The following ANKRD1 variants were observed in gnomAD, a reference collection of about 807,000 sequenced individuals.
ANKRD1 encodes the protein ankyrin repeat domain 1, also known as ankyrin repeat domain-containing protein 1.
A neutral mutation model predicts 40.1 loss-of-function variants in ANKRD1; 32 were observed. That is an observed-to-expected ratio of 0.80 (90% CI 0.60 to 1.07). The LOEUF is 1.07. ANKRD1 is among the 50% of genes least tolerant of loss of function. The pLI is 0.00. For synonymous variants in ANKRD1, 149 were observed against 141.2 expected, an observed-to-expected ratio of 1.06 and a Z score of -0.39; for missense variants, 359 against 386.0, an observed-to-expected ratio of 0.93 and a Z score of 0.59.
At chr10:90,920,397 G>T in intron 1 of ANKRD1, 49 bp from the exon 2 acceptor site, 1 of 1,607,526 alleles carries the variant, frequency 6.2e-7, no homozygotes, top group Non-Finnish European at 8.5e-7. Context: ...CTCGTCCTGG[G>T]TCATTCTTCA....
At chr10:90,913,551 CAT>C (rs1453755421) in intron 8 of ANKRD1, among the ~76,000 whole-genome samples, 4 of 152,176 alleles carry the variant, frequency 2.6e-5, no homozygotes, top group African/African-American at 7.2e-5. Context: ...GGCAATGACA[CAT>C]GTGAACAAAT....
intron 2 of ANKRD1, 66 bp from the exon 3 acceptor site, chr10:90,919,334 A>G: frequency 9.7e-6 from 14 of 1,438,246 alleles, no homozygotes; most frequent in Non-Finnish European, 1.3e-5. Context: ...GGTTGTGTCT[A>G]AACTAAATCT....
At chr10:90,916,997 C>T (rs1423043367) in intron 5 of ANKRD1, among the ~76,000 whole-genome samples, 2 of 152,094 alleles carry the variant, frequency 1.3e-5, no homozygotes, top group Non-Finnish European at 2.9e-5. Flanking sequence ...ATGCCCCTGG[C>T]CTTAATCCCA....
chr10:90,916,397 G>T (rs1353922052), intron 5 of ANKRD1, 128 bp from the exon 6 acceptor site: 48 of 732,526 alleles, frequency 6.6e-5, no homozygotes, highest in Admixed American at 3.2e-4. Context: ...AACTGGAGTC[G>T]AAGGTTCTTA....
At position 90,912,944 on chromosome 10, in the gene ANKRD1, G is replaced by A. The variant is rs1339985275; in HGVS notation, c.882C>T (p.His294=). The change falls in exon 9 of 9, where the codon CAC becomes CAT. Residue 294 remains histidine, a synonymous_variant. Transcript: ENST00000371697. ...AGKTPMDLVL[H]WQNGTKAIFD... The stretch of plus-strand genomic sequence containing the variant: ...ATATTGCTTTGGTTCCATTCTGCCA[G>A]TGTAGCACCAGATCCATCGGCGTCT... 2 of 1,614,098 alleles carry A rather than the reference G, an allele frequency of 1.2e-6. No homozygotes were observed. The highest frequency in any genetic ancestry group is 1.7e-6 in the Non-Finnish European group (2 of 1,179,952).
intron 3 of ANKRD1, 70 bp from the exon 4 acceptor site, chr10:90,919,042 A>G: frequency 1.3e-6 from 2 of 1,577,288 alleles, no homozygotes; most frequent in Non-Finnish European, 1.7e-6. Flanking sequence ...TGAGCTTGCC[A>G]GCATTCAATC....
At chr10:90,918,751 G>T (rs2120270611) in intron 4 of ANKRD1, 114 bp downstream of exon 4, 1 of 878,644 alleles carries the variant, frequency 1.1e-6, no homozygotes, top group Non-Finnish European at 1.9e-6. Flanking sequence ...AGCAACAGCT[G>T]GGGAAACTGT....
rs1295040648 is a variant in ANKRD1 at position 90,918,852 on chromosome 10, G to C, written c.453+13C>G. ...AATGAGCTGGATTTTGCAGTGCTTT[G>C]CATGAGTCTTACCTCATCACAAACA... On this transcript the variant is annotated intron_variant, in intron 4 of 8. Transcript: ENST00000371697. 1 of 1,576,814 alleles carries C rather than the reference G, an allele frequency of 6.3e-7. No individual in the cohort carries two copies. Among genetic ancestry groups the C allele is most frequent in the African/African-American group, 1.4e-5 (1 of 73,294 alleles).
chr10:90,916,131 G>A, intron 6 of ANKRD1, 40 bp downstream of exon 6: 3 of 1,327,634 alleles, frequency 2.3e-6, no homozygotes, highest in East Asian at 3.3e-5. Flanking sequence ...GACAGGGAGG[G>A]GGAGGGGGTG....
rs1847328865 is a variant in ANKRD1 at position 90,912,721 on chromosome 10, C to G, written c.*145G>C. ...TAAAGGAAATTTAAACACCTATAAC[C>G]CTGTGCTTTCTCAAAACTTCATTAG... is the stretch of plus-strand genomic sequence containing the variant. On this transcript the variant is annotated 3_prime_UTR_variant, in exon 9 of 9. Coordinates refer to ENST00000371697, the MANE Select transcript of ANKRD1 (RefSeq NM_014391.3). The G allele has an allele frequency of 1.3e-6, 1 of 785,804 alleles. No homozygotes were observed. The highest frequency in any genetic ancestry group is 2.3e-6 in the Non-Finnish European group (1 of 443,320). The allele number at this position is 785,804 out of a possible 1,614,324, so 48.7% of individuals were successfully genotyped here.
At chr10:90,914,273 T>C (rs890049744) in intron 8 of ANKRD1, among the ~76,000 whole-genome samples, 1 of 152,188 alleles carries the variant, frequency 6.6e-6, no homozygotes, top group African/African-American at 2.4e-5. Context: ...TGCTAATATC[T>C]AACTGATAAT....
chr10:90,914,807 G>T (rs1009294200), intron 8 of ANKRD1, among the ~76,000 whole-genome samples: 7 of 136,790 alleles, frequency 5.1e-5, no homozygotes, highest in African/African-American at 2.0e-4. Context: ...TGTTCCTCTG[G>T]GCAATATTTT....
In ANKRD1 at chr10:90,920,312, C is replaced by T. The variant is rs1589510880; in HGVS notation, c.64G>A (p.Glu22Lys). Residue 22 changes from glutamate (E) to lysine (K), a missense_variant, in exon 2 of 9, where the codon GAA becomes AAA. Coordinates refer to ENST00000371697, the MANE Select transcript of ANKRD1 (RefSeq NM_014391.3). ...GKKNGNGEAG[E>K]FLPEDFRDGE... ...TCTCTGAAATCCTCAGGAAGGAATT[C>T]CCCTGCCTCCCCATTGCCATTCTTC... 1.2e-6 allele frequency: 2 copies of T among 1,614,178 alleles called. No homozygotes were observed. Among genetic ancestry groups the T allele is most frequent in the East Asian group, 4.5e-5 (2 of 44,882 alleles).
Position 90,912,932 on chromosome 10 carries a change from T to C in ANKRD1, c.894A>G (p.Gly298=). ...PMDLVLHWQN[G]TKAIFDSLRE... is the part of the protein sequence containing the mutation. The stretch of plus-strand genomic sequence containing the variant: ...TGAGGCTGTCGAATATTGCTTTGGT[T>C]CCATTCTGCCAGTGTAGCACCAGAT... The change falls in exon 9 of 9, where the codon GGA becomes GGG. Residue 298 remains glycine, a synonymous_variant. Coordinates refer to ENST00000371697, the MANE Select transcript of ANKRD1 (RefSeq NM_014391.3). 6.2e-7 allele frequency: 1 copy of C among 1,614,070 alleles called. No homozygotes were observed. Among genetic ancestry groups the C allele is most frequent in the Non-Finnish European group, 8.5e-7 (1 of 1,179,940 alleles).
intron 7 of ANKRD1, 42 bp from the exon 8 acceptor site, chr10:90,915,683 C>G: frequency 1.2e-6 from 2 of 1,609,876 alleles, no homozygotes; most frequent in Middle Eastern, 1.7e-4. Context: ...GGTCTGAGGC[C>G]AGGAAGTGGG....
intron 3 of ANKRD1, 24 bp from the exon 4 acceptor site, chr10:90,918,996 A>ATATATATATTTTCAC: frequency 5.5e-6 from 1 of 181,466 alleles, no homozygotes; most frequent in South Asian, 9.3e-5. Flanking sequence ...AAATAAATAT[A>ATATATATATTTTCAC]TATATATATA....
chr10:90,913,565 A>G (rs576369124), intron 8 of ANKRD1, among the ~76,000 whole-genome samples: 1 of 152,212 alleles, frequency 6.6e-6, no homozygotes, highest in East Asian at 1.9e-4. Flanking sequence ...TGAACAAATA[A>G]TTTTTGAGAC....
At position 90,916,242 on chromosome 10, in the gene ANKRD1, T is replaced by C. The variant is rs1482474273; in HGVS notation, c.580A>G (p.Ser194Gly). 5.0e-6 allele frequency: 8 copies of C among 1,614,062 alleles called. No individual in the cohort carries two copies. Among genetic ancestry groups the C allele is most frequent in the Non-Finnish European group, 6.8e-6 (8 of 1,179,954 alleles). ...MLESTAIHWA[S>G]RGGNLDVLKL... ...AAAACATCCAGGTTTCCTCCACGGC[T>C]TGCCCAGTGGATGGCTGTGGATTCA... Residue 194 changes from serine to glycine, a missense_variant, in exon 6 of 9, where the codon AGC becomes GGC. Ser to Gly is a moderately conservative substitution (Grantham distance 56, BLOSUM62 0). Transcript: ENST00000371697.
rs1371295947 is a variant in ANKRD1 at position 90,918,983 on chromosome 10, A to T, written c.346-11T>A. The T allele has an allele frequency of 2.1e-6, 3 of 1,408,680 alleles. No individual in the cohort carries two copies. Among genetic ancestry groups the T allele is most frequent in the Non-Finnish European group, 2.8e-6 (3 of 1,062,852 alleles). The allele number at this position is 1,408,680 out of a possible 1,614,324, so 87.3% of individuals were successfully genotyped here. On this transcript the variant is annotated splice_polypyrimidine_tract_variant and intron_variant, in intron 3 of 8. Transcript: ENST00000371697. Reference sequence around the variant, plus strand: ...ATCCACAGGTTCCGTCTAAAGCCAAAATAAATAAATATATATATATATATA... The same window carrying T: ...ATCCACAGGTTCCGTCTAAAGCCAATATAAATAAATATATATATATATATA...
Sources: gnomAD v4.1 joint callset for allele counts (sites outside exome capture counted in the v4.1 genomes callset) on GRCh38, gnomAD v4.1.1 for gene constraint, MANE v1.5 for transcripts, NCBI Gene and HGNC (gene_info 2026-07-23, HGNC 2026-07-21) for gene names.